PRMT8: variants seen among roughly 807,000 people sequenced by gnomAD.
PRMT8 encodes protein arginine methyltransferase 8.
Under a neutral mutation model 47.1 loss-of-function variants are expected in PRMT8, and 7 were observed. The observed-to-expected ratio is 0.15, with a 90% confidence interval of 0.08 to 0.28. The LOEUF is 0.28. Among genes scored for constraint, PRMT8 ranks in the 10% least tolerant of loss-of-function variants. PRMT8 has a pLI of 1.00. For synonymous variants in PRMT8, 188 were observed against 186.5 expected (o/e 1.01, Z -0.07); for missense variants, 237 against 505.4 (o/e 0.47, Z 5.09).
At chr12:3,523,498 T>C (rs1331585567) in intron 1 of PRMT8, among the ~76,000 whole-genome samples, 1 of 152,152 alleles carries the variant, frequency 6.6e-6, no homozygotes, top group Non-Finnish European at 1.5e-5. Context: ...CTACTTCCTT[T>C]AACCCACCAG....
At chr12:3,537,979 A>G (rs1483717611) in intron 1 of PRMT8, among the ~76,000 whole-genome samples, 4 of 152,278 alleles carry the variant, frequency 2.6e-5, no homozygotes, top group South Asian at 2.1e-4. Flanking sequence ...CAAACCGGCA[A>G]TAGCTCCCCG....
chr12:3,567,770 A>G (rs1866748686), intron 4 of PRMT8, among the ~76,000 whole-genome samples: 1 of 152,234 alleles, frequency 6.6e-6, no homozygotes, highest in South Asian at 2.1e-4. Flanking sequence ...CTTGCTGATA[A>G]CTTGGTCAAT....
intron 1 of PRMT8, among the ~76,000 whole-genome samples, chr12:3,530,857 CT>C (rs1214542036): frequency 1.3e-5 from 2 of 152,214 alleles, no homozygotes; most frequent in African/African-American, 4.8e-5. Flanking sequence ...TATTTACACG[CT>C]CAGCGTCTTC....
intron 1 of PRMT8, among the ~76,000 whole-genome samples, chr12:3,464,805 C>T (rs1467741565): frequency 6.6e-6 from 1 of 152,120 alleles, no homozygotes; most frequent in Non-Finnish European, 1.5e-5. Context: ...TTCGCATAAA[C>T]AGACCTCATG....
intron 1 of PRMT8, among the ~76,000 whole-genome samples, chr12:3,415,317 G>A (rs775754053): frequency 5.9e-5 from 9 of 152,192 alleles, no homozygotes; most frequent in Non-Finnish European, 1.0e-4. Flanking sequence ...CCCGAACCCA[G>A]TCCTGTTGAA....
chr12:3,432,866 A>G (rs1381418669), intron 1 of PRMT8, among the ~76,000 whole-genome samples: 2 of 152,230 alleles, frequency 1.3e-5, no homozygotes, highest in South Asian at 2.1e-4. Context: ...GAAATGGATT[A>G]AAAATAGAGC....
rs1019670905 is a variant in PRMT8, at chr12:3,456,898, G to A, written c.48+75456G>A. Reference sequence around the variant, plus strand: ...AAGGCTTTAAACACAGAGGACAGGTGCGTCTTTTCTTGCTGTGGCTGACGT... The same window carrying A: ...AAGGCTTTAAACACAGAGGACAGGTACGTCTTTTCTTGCTGTGGCTGACGT... On this transcript the variant is annotated intron_variant, in intron 1 of 9. Transcript: ENST00000452611. The surrounding 1 kb of genome is among the most constrained non-coding windows in gnomAD (Gnocchi z 4.2). Among the ~76,000 whole-genome samples, 1 of 152,210 alleles carries A rather than the reference G, an allele frequency of 6.6e-6. No individual in the cohort carries two copies. The highest frequency in any genetic ancestry group is 1.5e-5 in the Non-Finnish European group (1 of 68,038).
At chr12:3,384,837 G>A (rs111283759) in intron 1 of PRMT8, among the ~76,000 whole-genome samples, 14 of 152,044 alleles carry the variant, frequency 9.2e-5, no homozygotes, top group African/African-American at 3.1e-4. Context: ...TTGTTGTTGT[G>A]CAGGATTGTC....
rs112455965 is a variant in PRMT8 at position 3,580,699 on chromosome 12, A to T, written c.829-2359A>T. Among the ~76,000 whole-genome samples, 2 of 152,136 alleles carry T rather than the reference A, an allele frequency of 1.3e-5. No homozygotes were observed. The highest frequency in any genetic ancestry group is 1.9e-4 in the East Asian group (1 of 5,190). On this transcript the variant is annotated intron_variant, in intron 7 of 9. Transcript: ENST00000382622. This position sits in a 1 kb window ranked among gnomAD's most constrained non-coding sequence, Gnocchi z 4.6. ...GACTGCGATATGAGCCAGAAGTGAG[A>T]TTGGAAGGCCATGCTACACTGGTGA...
intron 8 of PRMT8, among the ~76,000 whole-genome samples, chr12:3,589,431 A>G (rs1042633218): frequency 2.0e-5 from 3 of 152,148 alleles, no homozygotes; most frequent in African/African-American, 4.8e-5. Context: ...ACACGGGGCT[A>G]TTGTCACCTA....
chr12:3,479,013 C>T (rs911875770), intron 1 of PRMT8, among the ~76,000 whole-genome samples: 1 of 152,196 alleles, frequency 6.6e-6, no homozygotes, highest in Non-Finnish European at 1.5e-5. Flanking sequence ...AAGAGGAGGC[C>T]AAGGGGCGGC....
At chr12:3,511,969 C>T (rs1033221831) in intron 1 of PRMT8, among the ~76,000 whole-genome samples, 5 of 152,188 alleles carry the variant, frequency 3.3e-5, no homozygotes, top group African/African-American at 1.2e-4. Flanking sequence ...CTTTGGGTAC[C>T]ATGGCTGGTG....
chr12:3,467,034 G>A (rs1401584098), intron 1 of PRMT8, among the ~76,000 whole-genome samples: 1 of 151,986 alleles, frequency 6.6e-6, no homozygotes, highest in Admixed American at 6.5e-5. Context: ...TCAGGAGATC[G>A]AGACCATCTT....
chr12:3,469,388 C>A, intron 1 of PRMT8: 1 of 265,286 alleles, frequency 3.8e-6, no homozygotes, highest in South Asian at 4.1e-5. Context: ...GGGGCAGGAG[C>A]AAAAAGAGCT....
rs951930125 is a variant in PRMT8 at position 3,493,456 on chromosome 12, G to T, written c.75+1756G>T. On this transcript the variant is annotated intron_variant, in intron 1 of 9. Transcript: ENST00000382622. The surrounding 1 kb of genome is among the most constrained non-coding windows in gnomAD (Gnocchi z 8.2). The stretch of plus-strand genomic sequence containing the variant: ...GCTGGAGCCCTGGAAGCGAGAAGGC[G>T]CTTCCTCCCTGCATTTCCACCTCAC... Among the ~76,000 whole-genome samples, 2 of 152,210 alleles carry T rather than the reference G, an allele frequency of 1.3e-5. No individual in the cohort carries two copies. Among genetic ancestry groups the T allele is most frequent in the Non-Finnish European group, 2.9e-5 (2 of 68,040 alleles).
At chr12:3,496,914 ATTT>A (rs34785835) in intron 1 of PRMT8, among the ~76,000 whole-genome samples, 2,166 of 129,426 alleles carry the variant, frequency 0.017, 39 homozygotes, top group African/African-American at 0.056. Flanking sequence ...AAGATACCCA[ATTT>A]TTTTTTTTTT....
intron 1 of PRMT8, among the ~76,000 whole-genome samples, chr12:3,428,939 T>A (rs1024405266): frequency 6.0e-5 from 9 of 151,156 alleles, no homozygotes; most frequent in African/African-American, 2.2e-4. Context: ...TGTCTCTCTG[T>A]CTCTTCCTCT....
In PRMT8 at chr12:3,453,553, C is replaced by T. The variant is rs1864943246; in HGVS notation, c.48+72111C>T. On this transcript the variant is annotated intron_variant, in intron 1 of 9. Transcript: ENST00000452611. The surrounding 1 kb of genome is among the most constrained non-coding windows in gnomAD (Gnocchi z 4.9). ...TTTCTCCTGGGGAAGCCAGACGCTG[C>T]ATTCCGCATGCCATCGTGACCTTGA... Among the ~76,000 whole-genome samples the T allele has an allele frequency of 6.6e-6, 1 of 152,212 alleles. No individual in the cohort carries two copies.
At chr12:3,470,557 G>T (rs1865150236) in intron 1 of PRMT8, among the ~76,000 whole-genome samples, 1 of 152,134 alleles carries the variant, frequency 6.6e-6, no homozygotes, top group Non-Finnish European at 1.5e-5. Flanking sequence ...TGCTGGCGTG[G>T]TTCTGCCCAC....
Sources: gnomAD v4.1 joint callset for allele counts (sites outside exome capture counted in the v4.1 genomes callset) on GRCh38, gnomAD v4.1.1 for gene constraint, Gnocchi (gnomAD v3.1) non-coding constraint, MANE v1.5 for transcripts, NCBI Gene and HGNC (gene_info 2026-07-23, HGNC 2026-07-21) for gene names.